DENND2B: variants seen among roughly 807,000 people sequenced by gnomAD.
DENND2B encodes the protein DENN domain containing 2B.
Under a neutral mutation model 116.0 loss-of-function variants are expected in DENND2B, and 32 were observed. The observed-to-expected ratio is 0.28, with a 90% confidence interval of 0.21 to 0.37. The LOEUF is 0.37. Ranked by LOEUF, DENND2B falls within the 10% of genes least tolerant of loss-of-function variation. The pLI, the probability that DENND2B is intolerant of heterozygous loss-of-function variation, is 1.00. For missense variants in DENND2B, 1,276 were observed against 1,477.7 expected (o/e 0.86, Z 2.24); for synonymous variants, 588 against 583.9 (o/e 1.01, Z -0.10).
chr11:8,862,030 G>A (rs979848883), intron 2 of DENND2B, among the ~76,000 whole-genome samples: 3 of 151,856 alleles, frequency 2.0e-5, no homozygotes, highest in African/African-American at 7.3e-5. Context: ...GACACAGAAG[G>A]GGGAGGAAGG....
upstream of DENND2B, among the ~76,000 whole-genome samples, chr11:8,872,887 T>C (rs2063804559): frequency 6.6e-6 from 1 of 152,206 alleles, no homozygotes; most frequent in Non-Finnish European, 1.5e-5. Flanking sequence ...TTCTCCAAAC[T>C]CACAATCTAA....
intron 1 of DENND2B, chr11:8,766,826 G>A (rs905500168): frequency 4.5e-6 from 2 of 448,216 alleles, no homozygotes; most frequent in Non-Finnish European, 8.1e-6. Context: ...GACAAGAATA[G>A]AATACAGTTA....
chr11:8,836,476 C>T (rs2062432318), intron 4 of DENND2B, among the ~76,000 whole-genome samples: 2 of 135,882 alleles, frequency 1.5e-5, no homozygotes, highest in African/African-American at 5.5e-5. Flanking sequence ...GGCTGGAGTG[C>T]AGTGGTGCAA....
upstream of DENND2B, among the ~76,000 whole-genome samples, chr11:8,815,212 G>A (rs555061421): frequency 6.6e-6 from 1 of 151,618 alleles, no homozygotes; most frequent in African/African-American, 2.4e-5. Context: ...CACTGTGCTT[G>A]TAAAAAAATA....
At chr11:8,880,345 C>CTGTTTGTGTG (rs1555220959) in intron 2 of DENND2B, among the ~76,000 whole-genome samples, 2 of 120,552 alleles carry the variant, frequency 1.7e-5, no homozygotes, top group Non-Finnish European at 3.7e-5. Flanking sequence ...TCACTTTGAA[C>CTGTTTGTGTG]TGTGTGTGTG....
chr11:8,718,699 T>C, intron 4 of DENND2B: 3 of 1,172,658 alleles, frequency 2.6e-6, no homozygotes, highest in Non-Finnish European at 3.2e-6. Context: ...GTGAGGGGAG[T>C]TCTTGCTTCT....
intron 2 of DENND2B, among the ~76,000 whole-genome samples, chr11:8,878,384 G>A (rs2063866671): frequency 6.6e-6 from 1 of 151,670 alleles, no homozygotes; most frequent in Admixed American, 6.6e-5. Flanking sequence ...ATCAACAATT[G>A]AATGAATTTT....
chr11:8,717,614 G>A (rs1327096537), intron 5 of DENND2B, 127 bp downstream of exon 5: 22 of 1,203,042 alleles, frequency 1.8e-5, no homozygotes, highest in South Asian at 6.2e-5. Context: ...TGGTATGGCC[G>A]TAGACCCTTT....
chr11:8,858,165 A>G (rs1018451118), intron 2 of DENND2B, among the ~76,000 whole-genome samples: 2 of 152,312 alleles, frequency 1.3e-5, no homozygotes, highest in Middle Eastern at 3.4e-3. Context: ...TTTTTACCCA[A>G]GTGAAGTCAT....
intron 1 of DENND2B, among the ~76,000 whole-genome samples, chr11:8,775,929 A>G (rs2057561401): frequency 6.6e-6 from 1 of 152,094 alleles, no homozygotes; most frequent in Non-Finnish European, 1.5e-5. Flanking sequence ...CATAAGTGAC[A>G]GACTAAGCAT....
chr11:8,790,190 C>G lies in DENND2B; in HGVS notation c.-26+20327G>C, dbSNP rs192579569. Among the ~76,000 whole-genome samples the G allele has an allele frequency of 4.6e-5, 7 of 152,338 alleles. No individual in the cohort carries two copies. The East Asian group carries it at 1.3e-3, about 29-fold the overall frequency. Reference sequence around the variant, plus strand: ...GTCTCCTTATAAAGGAACTATGCCTCCTTCAAAATCTGTACCAGCACCATT... The same window carrying G: ...GTCTCCTTATAAAGGAACTATGCCTGCTTCAAAATCTGTACCAGCACCATT... On this transcript the variant is annotated intron_variant, in intron 1 of 19. Transcript: ENST00000313726.
intron 4 of DENND2B, among the ~76,000 whole-genome samples, chr11:8,831,157 C>A (rs887158866): frequency 6.6e-6 from 1 of 152,188 alleles, no homozygotes; most frequent in African/African-American, 2.4e-5. Context: ...GGCTGACCAG[C>A]CCATTCTTAG....
At chr11:8,877,103 T>TC (rs1429099547) in intron 2 of DENND2B, among the ~76,000 whole-genome samples, 1 of 137,776 alleles carries the variant, frequency 7.3e-6, no homozygotes, top group African/African-American at 2.7e-5. Flanking sequence ...GAAGATACTT[T>TC]TTTTTTTTTT....
At chr11:8,789,683 C>G (rs1213501610) in intron 1 of DENND2B, among the ~76,000 whole-genome samples, 1 of 152,060 alleles carries the variant, frequency 6.6e-6, no homozygotes, top group East Asian at 1.9e-4. Flanking sequence ...TCAGACAAAT[C>G]CATAATGTGA....
At chr11:8,803,441 T>C (rs1177169616) in intron 1 of DENND2B, among the ~76,000 whole-genome samples, 2 of 152,186 alleles carry the variant, frequency 1.3e-5, no homozygotes, top group Non-Finnish European at 2.9e-5. Flanking sequence ...CCTTCTACTT[T>C]CTGGAAGAGG....
intron 2 of DENND2B, among the ~76,000 whole-genome samples, chr11:8,857,760 C>G (rs994537339): frequency 3.3e-5 from 5 of 152,214 alleles, no homozygotes; most frequent in Admixed American, 3.3e-4. Flanking sequence ...GGATGCCAGA[C>G]GTGGTTCTGA....
rs1185333774 is a variant in DENND2B, at chr11:8,746,107, ACAGGGCC to A, written c.80+4507_80+4513del. On this transcript the variant is annotated intron_variant, in intron 2 of 19. Transcript: ENST00000313726. ...ATCTCGAGTAACAGGGGCTGAGGCC[ACAGGGCC>A]TCCTAAGGGGGGCCTGCCACGGCCA... Among the ~76,000 whole-genome samples, 3 of 87,398 alleles carry A rather than the reference ACAGGGCC, an allele frequency of 3.4e-5. No homozygotes were observed. The East Asian group carries it at 1.2e-3, about 36-fold the overall frequency. 57.3% of individuals were successfully genotyped at this position (87,398 alleles called of 152,430 possible). A position where few individuals can be genotyped will look rare whatever the true frequency, so the allele number is the denominator to read the frequency against.
intron 1 of DENND2B, among the ~76,000 whole-genome samples, chr11:8,884,116 G>C (rs1348901183): frequency 6.6e-6 from 1 of 152,156 alleles, no homozygotes; most frequent in African/African-American, 2.4e-5. Context: ...GCCTGTGTCA[G>C]AAGTTGCTCT....
chr11:8,848,857 C>T (rs965909332), intron 3 of DENND2B, among the ~76,000 whole-genome samples: 4 of 151,252 alleles, frequency 2.6e-5, no homozygotes, highest in Non-Finnish European at 4.4e-5. Context: ...CCAGGTATTG[C>T]TTAGGTATTT....
Sources: gnomAD v4.1 joint callset for allele counts (sites outside exome capture counted in the v4.1 genomes callset) on GRCh38, gnomAD v4.1.1 for gene constraint, MANE v1.5 for transcripts, NCBI Gene and HGNC (gene_info 2026-07-23, HGNC 2026-07-21) for gene names.